Variants in DROSHA observed in about 807,000 individuals in gnomAD.
DROSHA encodes drosha ribonuclease III, also known as ribonuclease 3.
Under a neutral mutation model 181.9 loss-of-function variants are expected in DROSHA, and 56 were observed. That is an observed-to-expected ratio of 0.31 (90% CI 0.25 to 0.38). The LOEUF (loss-of-function observed/expected upper bound fraction) is 0.38. Ranked by LOEUF, DROSHA falls within the 10% of genes least tolerant of loss-of-function variation. DROSHA has a pLI of 1.00. For synonymous variants in DROSHA, 524 were observed against 591.2 expected, an observed-to-expected ratio of 0.89 and a Z score of 1.65; for missense variants, 1,218 against 1,743.5, an observed-to-expected ratio of 0.70 and a Z score of 5.37.
intron 30 of DROSHA, among the ~76,000 whole-genome samples, chr5:31,413,028 G>C (rs1561120395): frequency 6.6e-6 from 1 of 152,224 alleles, no homozygotes; most frequent in Non-Finnish European, 1.5e-5. Context: ...TCATGCCTCA[G>C]ATACAACAAG....
chr5:31,403,288 T>C (rs1330487446), intron 35 of DROSHA, among the ~76,000 whole-genome samples: 1 of 152,228 alleles, frequency 6.6e-6, no homozygotes, highest in East Asian at 1.9e-4. Context: ...AAATCAAATT[T>C]GCATTTGAAA....
chr5:31,423,064 G>A, intron 28 of DROSHA, 120 bp from the exon 29 acceptor site: 1 of 921,680 alleles, frequency 1.1e-6, no homozygotes, highest in South Asian at 2.1e-5. Context: ...TTTCTGAAAT[G>A]CCAATAAAGC....
At chr5:31,471,164 T>C (rs887742604) in intron 17 of DROSHA, among the ~76,000 whole-genome samples, 1 of 152,244 alleles carries the variant, frequency 6.6e-6, no homozygotes, top group African/African-American at 2.4e-5. Flanking sequence ...AGCAACATTT[T>C]GTTTGTGCAG....
chr5:31,477,779 A>G (rs1356480584), intron 16 of DROSHA, among the ~76,000 whole-genome samples: 1 of 152,238 alleles, frequency 6.6e-6, no homozygotes, highest in Non-Finnish European at 1.5e-5. Context: ...CCTTATACTC[A>G]GTCTAGTTCA....
chr5:31,529,121 A>G lies in DROSHA; in HGVS notation c.-46-16T>C. 1 of 1,589,688 alleles carries G rather than the reference A, an allele frequency of 6.3e-7. No homozygotes were observed. The highest frequency in any genetic ancestry group is 8.6e-7 in the Non-Finnish European group (1 of 1,166,662). ...AATATAAGCTCTAAAAAACAGAAAG[A>G]ATAAAACAGACATAAACATGTTTCC... On this transcript the variant is annotated splice_polypyrimidine_tract_variant and intron_variant, in intron 3 of 35. Transcript: ENST00000344624.
intron 23 of DROSHA, among the ~76,000 whole-genome samples, chr5:31,445,813 C>G (rs1183286184): frequency 6.6e-6 from 1 of 152,190 alleles, no homozygotes; most frequent in Non-Finnish European, 1.5e-5. Flanking sequence ...AAAAACCCAA[C>G]AGCTAACATC....
chr5:31,454,833 G>A (rs1018793935), intron 20 of DROSHA, among the ~76,000 whole-genome samples: 1 of 151,498 alleles, frequency 6.6e-6, no homozygotes, highest in Middle Eastern at 3.2e-3. Flanking sequence ...CCTGCTACTC[G>A]GGAGGCTGAG....
At position 31,455,560 on chromosome 5, in the gene DROSHA, T is replaced by C. The variant is rs541726128; in HGVS notation, c.2575-3920A>G. The stretch of plus-strand genomic sequence containing the variant: ...AGCTGAGACATATTCTAGTAAACTA[T>C]TGGTTTCTAAAGAAAAAGAAAAAAT... On this transcript the variant is annotated intron_variant, in intron 20 of 35. Coordinates refer to ENST00000344624, the MANE Select transcript of DROSHA (RefSeq NM_001382508.1). Among the ~76,000 whole-genome samples, 7 of 151,826 alleles carry C rather than the reference T, an allele frequency of 4.6e-5. No homozygotes were observed. In the South Asian group the frequency reaches 1.0e-3, roughly 23 times the overall value.
chr5:31,453,146 C>T (rs180761631), intron 20 of DROSHA, among the ~76,000 whole-genome samples: 16 of 152,228 alleles, frequency 1.1e-4, no homozygotes, highest in African/African-American at 3.4e-4. Flanking sequence ...AGAGATGAAT[C>T]GCTGCCTGTC....
At chr5:31,450,332 T>C (rs1476744540) in intron 21 of DROSHA, among the ~76,000 whole-genome samples, 1 of 152,174 alleles carries the variant, frequency 6.6e-6, no homozygotes, top group Non-Finnish European at 1.5e-5. Flanking sequence ...CTACTGTGTA[T>C]CTACCCAAAG....
At chr5:31,421,625 G>A (rs1742668271) in intron 29 of DROSHA, 1 of 416,918 alleles carries the variant, frequency 2.4e-6, no homozygotes, top group Non-Finnish European at 4.3e-6. Flanking sequence ...ATAAAGACTG[G>A]TAAACACTGC....
intron 30 of DROSHA, among the ~76,000 whole-genome samples, chr5:31,416,539 C>A (rs565228121): frequency 6.7e-6 from 1 of 149,910 alleles, no homozygotes; most frequent in African/African-American, 2.5e-5. Context: ...GATGCGGGGG[C>A]GGGATGGGTA....
intron 27 of DROSHA, 61 bp from the exon 28 acceptor site, chr5:31,424,532 T>G: frequency 3.3e-6 from 5 of 1,508,492 alleles, no homozygotes; most frequent in Non-Finnish European, 4.5e-6. Context: ...TCTAGAGTAC[T>G]AAATAAAATG....
chr5:31,501,694 T>C (rs939985037), intron 11 of DROSHA, among the ~76,000 whole-genome samples: 1 of 152,158 alleles, frequency 6.6e-6, no homozygotes, highest in Non-Finnish European at 1.5e-5. Flanking sequence ...GTAGTTTAGC[T>C]AGAGCAGATA....
chr5:31,509,409 A>G (rs940706558), intron 9 of DROSHA, among the ~76,000 whole-genome samples: 6 of 152,212 alleles, frequency 3.9e-5, no homozygotes, highest in African/African-American at 1.4e-4. Context: ...GTAATGATCC[A>G]TAAAAGGGCA....
chr5:31,415,406 G>A (rs1283050366), intron 30 of DROSHA, among the ~76,000 whole-genome samples: 1 of 152,160 alleles, frequency 6.6e-6, no homozygotes, highest in African/African-American at 2.4e-5. Context: ...ATGCTAGCAG[G>A]CAAATACAGG....
intron 5 of DROSHA, among the ~76,000 whole-genome samples, chr5:31,525,279 G>A (rs984715409): frequency 5.1e-5 from 7 of 137,488 alleles, no homozygotes; most frequent in Admixed American, 8.3e-5. Context: ...GTAGTGAGCC[G>A]AGACTGCGCC....
chr5:31,521,581 T>C (rs920929871), intron 5 of DROSHA, among the ~76,000 whole-genome samples: 14 of 152,192 alleles, frequency 9.2e-5, no homozygotes, highest in Admixed American at 4.6e-4. Flanking sequence ...TTCTAAAAAA[T>C]GCTCTATTTT....
chr5:31,457,851 T>G (rs1299142676), intron 20 of DROSHA, among the ~76,000 whole-genome samples: 1 of 152,172 alleles, frequency 6.6e-6, no homozygotes, highest in Non-Finnish European at 1.5e-5. Context: ...GATCGCAGTG[T>G]CACTGTACTC....
Sources: gnomAD v4.1 joint callset for allele counts (sites outside exome capture counted in the v4.1 genomes callset) on GRCh38, gnomAD v4.1.1 for gene constraint, MANE v1.5 for transcripts, NCBI Gene and HGNC (gene_info 2026-07-23, HGNC 2026-07-21) for gene names.